CUX1: variants seen among roughly 807,000 people sequenced by gnomAD.
CUX1 encodes protein CASP.
A neutral mutation model predicts 158.8 loss-of-function variants in CUX1; 31 were observed. That is an observed-to-expected ratio of 0.20 (90% CI 0.15 to 0.26). The LOEUF is 0.26. Ranked by LOEUF, CUX1 falls within the 10% of genes least tolerant of loss-of-function variation. CUX1 has a pLI of 1.00. For synonymous variants in CUX1, 879 were observed against 862.1 expected (o/e 1.02, Z -0.34); for missense variants, 1,589 against 2,014.6 (o/e 0.79, Z 4.04).
At chr7:102,164,011 C>T (rs1790743670) in intron 9 of CUX1, among the ~76,000 whole-genome samples, 1 of 152,188 alleles carries the variant, frequency 6.6e-6, no homozygotes, top group African/African-American at 2.4e-5. Flanking sequence ...CATCAGGGCA[C>T]TGGCATAAAT....
intron 3 of CUX1, among the ~76,000 whole-genome samples, chr7:102,052,718 T>A (rs1823658182): frequency 6.6e-6 from 1 of 152,226 alleles, no homozygotes; most frequent in Admixed American, 6.5e-5. Flanking sequence ...ATGGCCAAAC[T>A]GTTTTCCAAG....
chr7:101,936,690 A>G (rs1806983463), intron 2 of CUX1, among the ~76,000 whole-genome samples: 1 of 152,140 alleles, frequency 6.6e-6, no homozygotes, highest in African/African-American at 2.4e-5. Context: ...GCAGGGGGCC[A>G]GCGGAGGAAA....
chr7:101,954,689 C>T (rs1174053812), intron 2 of CUX1, among the ~76,000 whole-genome samples: 3 of 152,048 alleles, frequency 2.0e-5, no homozygotes, highest in Admixed American at 6.6e-5. Context: ...CCCATGGTAG[C>T]GATGAGGAAG....
chr7:102,149,716 G>A (rs1421447496), intron 8 of CUX1, among the ~76,000 whole-genome samples: 1 of 152,130 alleles, frequency 6.6e-6, no homozygotes, highest in Admixed American at 6.5e-5. Flanking sequence ...AAGTTCAGGC[G>A]TTTGTGCTCC....
Position 102,248,795 on chromosome 7 carries a change from C to A in CUX1, c.4271C>A (p.Ala1424Asp). Residue 1424 changes from alanine to aspartate, a missense_variant, in exon 24 of 24, where the codon GCC becomes GAC. Around this residue, in one of 8 missense-constraint regions of CUX1, gnomAD observed 344 missense variants for 323.7 expected, o/e 1.06. Transcript: ENST00000292535. This position sits in a 1 kb window ranked among gnomAD's most constrained non-coding sequence, Gnocchi z 5.8. ...GCCCCCGAGGACGCCGCTACCTCAG[C>A]CGCCGCCGCGCCGGGGGAGGGCCCC... The part of the protein sequence containing the change: ...PAAPEDAATS[A>D]AAAPGEGPAA... 1 of 1,075,956 alleles carries A rather than the reference C, an allele frequency of 9.3e-7. No homozygotes were observed. Among genetic ancestry groups the A allele is most frequent in the Non-Finnish European group, 1.1e-6 (1 of 887,254 alleles). 66.7% of individuals were successfully genotyped at this position (1,075,956 alleles called of 1,614,324 possible).
intron 2 of CUX1, among the ~76,000 whole-genome samples, chr7:101,980,786 G>A (rs921213788): frequency 1.3e-5 from 2 of 152,036 alleles, no homozygotes; most frequent in Non-Finnish European, 2.9e-5. Flanking sequence ...CCGAGAACCA[G>A]CCCGCCGTCC....
chr7:102,224,091 A>G (rs1289183206), intron 20 of CUX1, among the ~76,000 whole-genome samples: 1 of 152,250 alleles, frequency 6.6e-6, no homozygotes, highest in Non-Finnish European at 1.5e-5. Flanking sequence ...ACATGTACTC[A>G]ATCCTGTTTC....
At chr7:101,932,799 T>A (rs1356714046) in intron 2 of CUX1, among the ~76,000 whole-genome samples, 1 of 152,206 alleles carries the variant, frequency 6.6e-6, no homozygotes, top group Non-Finnish European at 1.5e-5. Context: ...AAAAGTGATG[T>A]GTGAATAGAA....
intron 2 of CUX1, among the ~76,000 whole-genome samples, chr7:101,999,055 C>T (rs1187481139): frequency 2.0e-5 from 3 of 152,040 alleles, no homozygotes; most frequent in African/African-American, 7.2e-5. Flanking sequence ...CAGATCCTGT[C>T]CCCAGGCAAG....
chr7:102,019,810 A>C (rs1250018868), intron 2 of CUX1, among the ~76,000 whole-genome samples: 1 of 152,226 alleles, frequency 6.6e-6, no homozygotes, highest in Non-Finnish European at 1.5e-5. Flanking sequence ...AAATTATAGC[A>C]GGAGTGAGTT....
At chr7:102,127,644 C>T (rs1439586695) in intron 8 of CUX1, among the ~76,000 whole-genome samples, 1 of 152,004 alleles carries the variant, frequency 6.6e-6, no homozygotes, top group East Asian at 1.9e-4. Context: ...TTCAGAAACA[C>T]AGTGCATACT....
At chr7:102,261,845 G>A (rs781999276), downstream of CUX1, among the ~76,000 whole-genome samples, 2 of 152,156 alleles carry the variant, frequency 1.3e-5, no homozygotes, top group Non-Finnish European at 2.9e-5. Context: ...GGTCGGGCAC[G>A]ATGGCTCACA....
intron 10 of CUX1, among the ~76,000 whole-genome samples, chr7:102,177,216 C>G (rs1420759854): frequency 6.6e-6 from 1 of 151,712 alleles, no homozygotes; most frequent in Non-Finnish European, 1.5e-5. Flanking sequence ...GAGTTCGAGA[C>G]CAGCCTGGCC....
Position 102,250,937 on chromosome 7 carries a change from T to C in CUX1, c.*1895T>C, listed in dbSNP as rs1165278095. ...ATTTAGACTTCTTTATTGCCATATC[T>C]TTAAACTAACAATAGATGATTTCGG... On this transcript the variant is annotated 3_prime_UTR_variant, in exon 24 of 24. Coordinates refer to ENST00000292535, the MANE Select transcript of CUX1 (RefSeq NM_181552.4). The C allele has an allele frequency of 1.0e-6, 1 of 978,074 alleles. No individual in the cohort carries two copies. The highest frequency in any genetic ancestry group is 6.2e-5 in the Admixed American group (1 of 16,252). The allele number at this position is 978,074 out of a possible 1,614,324, so 60.6% of individuals were successfully genotyped here. A position where few individuals can be genotyped will look rare whatever the true frequency, so the allele number is the denominator to read the frequency against.
At chr7:101,872,116 TAGA>T (rs748505901) in intron 1 of CUX1, among the ~76,000 whole-genome samples, 3 of 151,984 alleles carry the variant, frequency 2.0e-5, no homozygotes, top group African/African-American at 7.2e-5. Flanking sequence ...CTAGCAGACA[TAGA>T]AGGATATTTT....
At position 102,230,986 on chromosome 7, in the gene CUX1, G is replaced by A. The variant is rs1241900037; in HGVS notation, c.3434-3066G>A. On this transcript the variant is annotated intron_variant, in intron 21 of 23. Coordinates refer to ENST00000292535, the MANE Select transcript of CUX1 (RefSeq NM_181552.4). ...AGCAATCCTCCCACCTCAGCCTACT[G>A]AGTAGCTGGGACTACAGGCACACAC... Among the ~76,000 whole-genome samples, 20 of 150,388 alleles carry A rather than the reference G, an allele frequency of 1.3e-4. No individual in the cohort carries two copies. The South Asian group carries it at 2.9e-3, about 22-fold the overall frequency.
At chr7:101,823,700 C>A (rs1792939708) in intron 1 of CUX1, among the ~76,000 whole-genome samples, 1 of 152,178 alleles carries the variant, frequency 6.6e-6, no homozygotes, top group Non-Finnish European at 1.5e-5. Flanking sequence ...TAAGGAAATG[C>A]AGTTAACATT....
intron 1 of CUX1, among the ~76,000 whole-genome samples, chr7:101,906,608 G>A (rs969440013): frequency 6.6e-6 from 1 of 152,004 alleles, no homozygotes; most frequent in Non-Finnish European, 1.5e-5. Context: ...GGCGCGCCCC[G>A]TGTCCTGGAG....
intron 1 of CUX1, among the ~76,000 whole-genome samples, chr7:101,904,761 G>A (rs1802561658): frequency 6.6e-6 from 1 of 151,964 alleles, no homozygotes; most frequent in Admixed American, 6.6e-5. Flanking sequence ...TAGAGATGGG[G>A]TTTCACCATG....
Sources: gnomAD v4.1 joint callset for allele counts (sites outside exome capture counted in the v4.1 genomes callset) on GRCh38, gnomAD v4.1.1 for gene constraint, gnomAD v4.1.1 regional missense constraint, Gnocchi (gnomAD v3.1) non-coding constraint, MANE v1.5 for transcripts, NCBI Gene and HGNC (gene_info 2026-07-23, HGNC 2026-07-21) for gene names.